RHOG: variants seen among roughly 807,000 people sequenced by gnomAD.
RHOG encodes the protein rho-related GTP-binding protein RhoG.
In RHOG, 1 loss-of-function variant was observed where a neutral mutation model predicts 12.3. The observed-to-expected ratio is 0.08, with a 90% CI of 0.03 to 0.39. The LOEUF (loss-of-function observed/expected upper bound fraction) is 0.39, where lower values mean the gene tolerates loss of function less well. Ranked by LOEUF, RHOG falls within the 10% of genes least tolerant of loss-of-function variation. RHOG has a pLI of 0.99. For missense variants in RHOG, 114 were observed against 266.2 expected (o/e 0.43, Z 3.98); for synonymous variants, 129 against 116.0 (o/e 1.11, Z -0.72).
intron 1 of RHOG, among the ~76,000 whole-genome samples, chr11:3,837,238 G>A (rs2090163273): frequency 6.6e-6 from 1 of 152,090 alleles, no homozygotes; most frequent in Admixed American, 6.5e-5. Flanking sequence ...TTCCACAAGG[G>A]AAAATAACAC....
Position 3,827,417 on chromosome 11 carries a change from A to G in RHOG, c.*146T>C. The G allele has an allele frequency of 3.0e-6, 2 of 658,232 alleles. No homozygotes were observed. The highest frequency in any genetic ancestry group is 5.2e-6 in the Non-Finnish European group (2 of 387,252). The allele number at this position is 658,232 out of a possible 1,614,324, so 40.8% of individuals were successfully genotyped here. On this transcript the variant is annotated 3_prime_UTR_variant, in exon 2 of 2. Coordinates refer to ENST00000351018, the MANE Select transcript of RHOG (RefSeq NM_001665.4). The surrounding 1 kb of genome is among the most constrained non-coding windows in gnomAD (Gnocchi z 7.3). ...TCTCTGCAGGCCTCCTTAAGGAGAA[A>G]AAGGCACTCAGAGAAAAAGGCATTC...
intron 1 of RHOG, among the ~76,000 whole-genome samples, chr11:3,838,793 C>T (rs970807050): frequency 1.5e-4 from 23 of 152,144 alleles, no homozygotes; most frequent in African/African-American, 5.3e-4. Context: ...TCCTCAGATG[C>T]ACCCCAAAAG....
chr11:3,832,504 G>A (rs1275649856), intron 1 of RHOG, among the ~76,000 whole-genome samples: 1 of 152,108 alleles, frequency 6.6e-6, no homozygotes, highest in Admixed American at 6.5e-5. Context: ...CAGCCTCAAG[G>A]GCAGCATCAA....
At chr11:3,831,916 C>G (rs10742177) in intron 1 of RHOG, among the ~76,000 whole-genome samples, 85,613 of 152,014 alleles carry the variant, frequency 0.56, 25,150 homozygotes, top group Non-Finnish European at 0.65. Flanking sequence ...GCCCAAGAGA[C>G]TGGAAGTACA....
rs535881723 is a variant in RHOG, at chr11:3,828,787, A to AT, written c.-68-582dup. Among the ~76,000 whole-genome samples the AT allele has an allele frequency of 3.9e-4, 59 of 151,556 alleles. No individual in the cohort carries two copies. In the South Asian group the frequency reaches 9.0e-3, roughly 23 times the overall value. On this transcript the variant is annotated intron_variant, in intron 1 of 1. Transcript: ENST00000351018. ...AGGCACCCACCACCACGCCCGGCTAATTTTTTGTATTTTTAGTAGAGATGG... is the reference window on the plus strand; with the variant it reads ...AGGCACCCACCACCACGCCCGGCTAATTTTTTTGTATTTTTAGTAGAGATGG...
intron 1 of RHOG, among the ~76,000 whole-genome samples, chr11:3,840,105 G>A (rs1015835660): frequency 6.6e-6 from 1 of 152,160 alleles, no homozygotes; most frequent in Non-Finnish European, 1.5e-5. Context: ...GTTCTCAATT[G>A]TCCCCAAAAG....
At chr11:3,837,332 C>T (rs2135141401) in intron 1 of RHOG, among the ~76,000 whole-genome samples, 1 of 152,296 alleles carries the variant, frequency 6.6e-6, no homozygotes. Context: ...CATCTTACTA[C>T]CCCCTGGCAA....
chr11:3,831,586 C>A (rs966369240), intron 1 of RHOG, among the ~76,000 whole-genome samples: 1 of 152,200 alleles, frequency 6.6e-6, no homozygotes, highest in African/African-American at 2.4e-5. Context: ...CCCAGCTCTG[C>A]TGACTCACTA....
In RHOG at chr11:3,827,558, C is replaced by A; in HGVS notation, c.*5G>T. The A allele has an allele frequency of 1.3e-6, 2 of 1,597,096 alleles. No individual in the cohort carries two copies. Among genetic ancestry groups the A allele is most frequent in the Non-Finnish European group, 1.7e-6 (2 of 1,174,704 alleles). On this transcript the variant is annotated 3_prime_UTR_variant, in exon 2 of 2. Coordinates refer to ENST00000351018, the MANE Select transcript of RHOG (RefSeq NM_001665.4). The surrounding 1 kb of genome is among the most constrained non-coding windows in gnomAD (Gnocchi z 7.3). ...CAGGGGCAGCCTCCAAGCCAAGTGC[C>A]AGGGTCACAAGAGGATGCAGGACCG... is the stretch of plus-strand genomic sequence containing the variant.
At chr11:3,839,780 A>C (rs1479075504) in intron 1 of RHOG, among the ~76,000 whole-genome samples, 1 of 152,062 alleles carries the variant, frequency 6.6e-6, no homozygotes, top group Non-Finnish European at 1.5e-5. Flanking sequence ...AAGGATACAG[A>C]GAGGGTGACA....
chr11:3,836,933 C>G (rs963591789), intron 1 of RHOG, among the ~76,000 whole-genome samples: 1 of 95,512 alleles, frequency 1.0e-5, no homozygotes, highest in Non-Finnish European at 2.1e-5. Context: ...AAAAAAAAAG[C>G]TGAGCCTCAG....
chr11:3,828,830 C>A (rs544878175), intron 1 of RHOG, among the ~76,000 whole-genome samples: 1 of 151,732 alleles, frequency 6.6e-6, no homozygotes, highest in African/African-American at 2.4e-5. Flanking sequence ...CCGTGTTGGC[C>A]AGGATGGTCT....
At chr11:3,834,141 T>A (rs528527713) in intron 1 of RHOG, among the ~76,000 whole-genome samples, 2 of 152,340 alleles carry the variant, frequency 1.3e-5, no homozygotes, top group African/African-American at 4.8e-5. Context: ...CAGGCTGGTC[T>A]TGAACACCTG....
chr11:3,832,670 A>G (rs1039974033), intron 1 of RHOG, among the ~76,000 whole-genome samples: 31 of 152,202 alleles, frequency 2.0e-4, no homozygotes, highest in Admixed American at 5.2e-4. Flanking sequence ...ACTCAGGTCT[A>G]GTTCAGACCT....
intron 1 of RHOG, among the ~76,000 whole-genome samples, chr11:3,838,240 A>G (rs1013742855): frequency 1.3e-5 from 2 of 152,102 alleles, no homozygotes; most frequent in African/African-American, 4.8e-5. Context: ...TTTACCCCCC[A>G]ATATTTTCCC....
At chr11:3,834,511 C>T (rs2090146437) in intron 1 of RHOG, among the ~76,000 whole-genome samples, 1 of 152,224 alleles carries the variant, frequency 6.6e-6, no homozygotes, top group Non-Finnish European at 1.5e-5. Flanking sequence ...TGCTGAATCT[C>T]ATCGGACAGC....
chr11:3,832,275 A>T (rs2090134281), intron 1 of RHOG, among the ~76,000 whole-genome samples: 1 of 152,170 alleles, frequency 6.6e-6, no homozygotes, highest in Non-Finnish European at 1.5e-5. Context: ...CAAATTCAGA[A>T]CAGTAAAAGT....
At chr11:3,829,055 T>C (rs2090110610) in intron 1 of RHOG, among the ~76,000 whole-genome samples, 4 of 151,964 alleles carry the variant, frequency 2.6e-5, no homozygotes, top group Non-Finnish European at 5.9e-5. Flanking sequence ...ACAGGACAGC[T>C]GTCCCAGGTC....
At chr11:3,835,356 A>G (rs2090150404) in intron 1 of RHOG, among the ~76,000 whole-genome samples, 2 of 152,110 alleles carry the variant, frequency 1.3e-5, no homozygotes, top group South Asian at 2.1e-4. Flanking sequence ...CCAGGACATC[A>G]CAGCAACCCC....
Sources: allele counts gnomAD v4.1 joint callset (sites outside exome capture counted in the v4.1 genomes callset), GRCh38; gene constraint gnomAD v4.1.1; non-coding constraint Gnocchi (gnomAD v3.1); transcripts MANE v1.5; gene names NCBI Gene and HGNC (gene_info 2026-07-23, HGNC 2026-07-21).